Variants in LSP1 observed in about 807,000 individuals in gnomAD.
LSP1 encodes the protein lymphocyte-specific protein 1.
LSP1 carries 32 observed loss-of-function variants against 49.3 expected under a neutral mutation model. The observed-to-expected ratio is 0.65, with a 90% CI of 0.49 to 0.87. The LOEUF is 0.87. Ranked by LOEUF, LSP1 falls within the 40% of genes least tolerant of loss-of-function variation. The pLI is 0.00. For synonymous variants in LSP1, 179 were observed against 178.8 expected (o/e 1.00, Z -0.01); for missense variants, 428 against 442.6 (o/e 0.97, Z 0.30).
intron 1 of LSP1, among the ~76,000 whole-genome samples, chr11:1,865,782 C>T (rs916015929): frequency 6.6e-5 from 10 of 151,818 alleles, no homozygotes; most frequent in Non-Finnish European, 1.2e-4. Flanking sequence ...GCTTCTGGGG[C>T]CTCCCGTGGG....
At chr11:1,889,558 A>G (rs945341735) in intron 10 of LSP1, 3 of 612,464 alleles carry the variant, frequency 4.9e-6, no homozygotes, top group Non-Finnish European at 9.0e-6. Context: ...TTCTTGAGCC[A>G]CGTCCAGCCA....
rs549880956 is a variant in LSP1, at chr11:1,889,257, G to A, written c.*13+1681G>A. The A allele has an allele frequency of 3.0e-5, 20 of 677,948 alleles. No individual in the cohort carries two copies. In the African/African-American group the frequency reaches 3.6e-4, roughly 12 times the overall value. 42.0% of individuals were successfully genotyped at this position (677,948 alleles called of 1,614,324 possible). ...CCGGGTGGCCTCCTGCAGCTTCCGG[G>A]CGTTGAAGCGAGGCCGGTACAGGAA... is the stretch of plus-strand genomic sequence containing the variant. On this transcript the variant is annotated intron_variant, in intron 10 of 10. Coordinates refer to ENST00000311604, the MANE Select transcript of LSP1 (RefSeq NM_002339.3).
Position 1,884,154 on chromosome 11 carries a change from C to T in LSP1, c.592-126C>T, listed in dbSNP as rs143133439. 4.3e-4 allele frequency: 611 copies of T among 1,417,702 alleles called. 5 individuals carry two copies. The African/African-American group carries it at 7.3e-3, about 17-fold the overall frequency. 87.8% of individuals were successfully genotyped at this position (1,417,702 alleles called of 1,614,324 possible). A position where few individuals can be genotyped will look rare whatever the true frequency, so the allele number is the denominator to read the frequency against. ...TTTTGTCTGCTATCCCCCCATTGCCCGGTGCTCAGCGAACCCCCATGATAT... is the reference window on the plus strand; with the variant it reads ...TTTTGTCTGCTATCCCCCCATTGCCTGGTGCTCAGCGAACCCCCATGATAT... On this transcript the variant is annotated intron_variant, in intron 5 of 10. Transcript: ENST00000311604. The surrounding 1 kb of genome is among the most constrained non-coding windows in gnomAD (Gnocchi z 4.1).
At chr11:1,878,849 A>G (rs2133107700) in intron 1 of LSP1, among the ~76,000 whole-genome samples, 1 of 152,184 alleles carries the variant, frequency 6.6e-6, no homozygotes, top group East Asian at 1.9e-4. Flanking sequence ...GGGCGATGGG[A>G]GGCAGGGCCA....
rs1227502672 is a variant in LSP1, at chr11:1,883,511, C to G, written c.449C>G (p.Thr150Ser). 8 of 1,613,806 alleles carry G rather than the reference C, an allele frequency of 5.0e-6. No homozygotes were observed. Among genetic ancestry groups the G allele is most frequent in the African/African-American group, 2.7e-5 (2 of 74,944 alleles). The change falls in exon 4 of 11, where the codon ACT becomes AGT. Residue 150 changes from threonine (T) to serine (S), a missense_variant. Coordinates refer to ENST00000311604, the MANE Select transcript of LSP1 (RefSeq NM_002339.3). ...LSKEGPGPED[T>S]VQDNLGAAGA... is the part of the protein sequence containing the mutation. ...AAGGAGGGGCCAGGCCCAGAGGACA[C>G]TGTCCAGGACAACCTGGGGGCCGCA...
intron 1 of LSP1, chr11:1,865,035 G>C (rs1162828272): frequency 5.3e-6 from 1 of 188,968 alleles, no homozygotes; most frequent in East Asian, 1.9e-4. Flanking sequence ...GCAGGAGTGA[G>C]AGGGGCCAGG....
chr11:1,865,224 G>A, intron 1 of LSP1: 1 of 985,542 alleles, frequency 1.0e-6, no homozygotes, highest in Non-Finnish European at 1.2e-6. Context: ...GGGCTTCTGA[G>A]GAGGAACTCT....
intron 10 of LSP1, chr11:1,888,793 G>A (rs1848861011): frequency 4.3e-6 from 1 of 234,070 alleles, no homozygotes; most frequent in Non-Finnish European, 8.2e-6. Flanking sequence ...AGAGGCCCAG[G>A]CCCCTGAGGA....
rs138432275 is a variant in LSP1 at position 1,883,617 on chromosome 11, C to T, written c.498+57C>T. 147 of 1,544,628 alleles carry T rather than the reference C, an allele frequency of 9.5e-5. 1 individual carries two copies. In the East Asian group the frequency reaches 3.5e-3, roughly 36 times the overall value. On this transcript the variant is annotated intron_variant, in intron 4 of 10. Coordinates refer to ENST00000311604, the MANE Select transcript of LSP1 (RefSeq NM_002339.3). ...ACCCCCACCCCAGGGATGAGTCTGC[C>T]TTGGCTGTCTGCACCACTCTGTGGG... is the stretch of plus-strand genomic sequence containing the variant.
At chr11:1,880,611 C>A in intron 2 of LSP1, 1 of 202,594 alleles carries the variant, frequency 4.9e-6, no homozygotes, top group Non-Finnish European at 9.9e-6. Flanking sequence ...GCCCAGGAGG[C>A]CTCCGCGGCT....
intron 1 of LSP1, among the ~76,000 whole-genome samples, chr11:1,855,377 G>C: frequency 6.6e-6 from 1 of 152,182 alleles, no homozygotes; most frequent in East Asian, 1.9e-4. Context: ...GCATGTCACA[G>C]AGTGCCAGGT....
At chr11:1,891,506 G>A (rs541954504) in intron 10 of LSP1, 1 of 152,438 alleles carries the variant, frequency 6.6e-6, no homozygotes, top group South Asian at 2.1e-4. Flanking sequence ...AGGGTGGGCA[G>A]GCTGCTTGGC....
chr11:1,883,292 C>T (rs1848622467), intron 3 of LSP1, 127 bp from the exon 4 acceptor site: 2 of 1,192,956 alleles, frequency 1.7e-6, no homozygotes, highest in South Asian at 2.8e-5. Context: ...GTCTCAGATC[C>T]CTTGGCACTC....
chr11:1,870,706 G>C (rs1444465727), intron 1 of LSP1: 2 of 1,019,424 alleles, frequency 2.0e-6, no homozygotes, highest in African/African-American at 1.7e-5. Flanking sequence ...TGGTTGCGTG[G>C]AGGATGGGAG....
At chr11:1,857,591 G>A (rs561242842) in intron 1 of LSP1, among the ~76,000 whole-genome samples, 225 of 152,320 alleles carry the variant, frequency 1.5e-3, no homozygotes, top group African/African-American at 5.2e-3. Context: ...GGAGGGGGAT[G>A]GGCTGCAAGG....
At chr11:1,871,229 CG>C (rs1847990536) in intron 1 of LSP1, 1 of 986,360 alleles carries the variant, frequency 1.0e-6, no homozygotes, top group Non-Finnish European at 1.2e-6. Context: ...AGAGCAGGCA[CG>C]GGGCAGGCAG....
rs548212714 is a variant in LSP1, at chr11:1,860,805, G to A, written c.53+7608G>A. Among the ~76,000 whole-genome samples, 48 of 152,038 alleles carry A rather than the reference G, an allele frequency of 3.2e-4. 1 individual carries two copies. Among genetic ancestry groups the A allele is most frequent in the Admixed American group, 2.6e-3 (40 of 15,282 alleles). The stretch of plus-strand genomic sequence containing the variant: ...GATGGATGAATGGGTGTATAAATGG[G>A]TAAATGAATGTATTGATGGAAGGAC... On this transcript the variant is annotated intron_variant, in intron 1 of 10. Transcript: ENST00000311604.
chr11:1,864,110 G>T (rs1326216921), intron 1 of LSP1: 1 of 883,838 alleles, frequency 1.1e-6, no homozygotes, highest in African/African-American at 1.9e-5. Context: ...AAGGAGGGAG[G>T]GAGACAGAGA....
At chr11:1,875,738 G>C (rs1472082974) in intron 1 of LSP1, among the ~76,000 whole-genome samples, 1 of 152,232 alleles carries the variant, frequency 6.6e-6, no homozygotes, top group African/African-American at 2.4e-5. Context: ...GGGGAGGCTG[G>C]GCCAGCACCA....
Sources: allele counts gnomAD v4.1 joint callset (sites outside exome capture counted in the v4.1 genomes callset), GRCh38; gene constraint gnomAD v4.1.1; non-coding constraint Gnocchi (gnomAD v3.1); transcripts MANE v1.5; gene names NCBI Gene and HGNC (gene_info 2026-07-23, HGNC 2026-07-21).